Variants in ERC1 observed in about 807,000 individuals in gnomAD.
ERC1 encodes the protein ELKS/RAB6-interacting/CAST family member 1.
A neutral mutation model predicts 132.0 loss-of-function variants in ERC1; 56 were observed. The ratio of observed to expected loss-of-function variants is 0.42; its 90% CI spans 0.34 to 0.53. The LOEUF is 0.53. Ranked by LOEUF, ERC1 falls within the 20% of genes least tolerant of loss-of-function variation. The pLI, the probability that ERC1 is intolerant of heterozygous loss-of-function variation, is 0.03. For synonymous variants in ERC1, 478 were observed against 476.1 expected (o/e 1.00, Z -0.05); for missense variants, 1,202 against 1,349.9 (o/e 0.89, Z 1.72).
rs187172895 is a variant in ERC1, at chr12:1,440,415, C to T, written c.3025-4147C>T. On this transcript the variant is annotated intron_variant, in intron 17 of 18. Coordinates refer to ENST00000360905, the MANE Select transcript of ERC1 (RefSeq NM_178040.4). ...TAGAGACGGGGTTTCACCGTGTTAG[C>T]CAGGATGGTCTCGATCTCCTGACCT... Among the ~76,000 whole-genome samples, 691 of 150,674 alleles carry T rather than the reference C, an allele frequency of 4.6e-3. 7 individuals are homozygous for T. The highest frequency in any genetic ancestry group is 6.9e-3 in the Middle Eastern group (2 of 288).
chr12:1,287,999 A>C (rs1298920244), intron 14 of ERC1, among the ~76,000 whole-genome samples: 1 of 152,240 alleles, frequency 6.6e-6, no homozygotes, highest in East Asian at 1.9e-4. Flanking sequence ...ATGGAAATAA[A>C]AAGGAGCCAG....
chr12:1,094,724 T>A (rs1943786979), intron 3 of ERC1, among the ~76,000 whole-genome samples: 1 of 152,186 alleles, frequency 6.6e-6, no homozygotes, highest in Non-Finnish European at 1.5e-5. Context: ...CTCTCCTTTT[T>A]AAATTACATC....
At chr12:1,233,470 CAAAAAAAAAA>C (rs60542316) in intron 12 of ERC1, among the ~76,000 whole-genome samples, 1 of 71,502 alleles carries the variant, frequency 1.4e-5, no homozygotes, top group African/African-American at 5.2e-5. Flanking sequence ...GACCCTGTCT[CAAAAAAAAAA>C]AAAAAAAAAA....
chr12:1,420,619 CTGA>C (rs1210292009), intron 17 of ERC1, among the ~76,000 whole-genome samples: 1 of 152,052 alleles, frequency 6.6e-6, no homozygotes, highest in Non-Finnish European at 1.5e-5. Flanking sequence ...CCACGCCTGG[CTGA>C]TGTTTTGTAT....
At chr12:1,061,707 C>G (rs1398398867) in intron 2 of ERC1, among the ~76,000 whole-genome samples, 1 of 128,788 alleles carries the variant, frequency 7.8e-6, no homozygotes, top group East Asian at 2.0e-4. Context: ...TTGAATCTCT[C>G]TCTCCCCCCC....
chr12:1,424,498 G>A lies in ERC1; in HGVS notation c.3024+16251G>A, dbSNP rs145048719. On this transcript the variant is annotated intron_variant, in intron 17 of 18. Coordinates refer to ENST00000360905, the MANE Select transcript of ERC1 (RefSeq NM_178040.4). ...GTTTCTTCATATCACGATTTAAAAAGAGTAGTCTCTTATGTCTCTAAAAGA... is the reference window on the plus strand; with the variant it reads ...GTTTCTTCATATCACGATTTAAAAAAAGTAGTCTCTTATGTCTCTAAAAGA... 9.2e-3 allele frequency among the ~76,000 whole-genome samples: 1,395 copies of A among 152,164 alleles called. 20 individuals are homozygous for A. The highest frequency in any genetic ancestry group is 0.033 in the African/African-American group (1,350 of 41,514).
intron 15 of ERC1, among the ~76,000 whole-genome samples, chr12:1,361,597 T>G (rs1419246309): frequency 6.6e-6 from 1 of 152,124 alleles, no homozygotes; most frequent in Non-Finnish European, 1.5e-5. Flanking sequence ...AACTAAGACC[T>G]ATATCTAAAA....
intron 14 of ERC1, among the ~76,000 whole-genome samples, chr12:1,267,736 T>A (rs972772589): frequency 2.0e-5 from 3 of 152,198 alleles, no homozygotes; most frequent in Admixed American, 6.5e-5. Flanking sequence ...CATCCCAGTC[T>A]GGGCAACAGA....
intron 8 of ERC1, among the ~76,000 whole-genome samples, chr12:1,165,308 ATT>A (rs751438062): frequency 4.9e-5 from 7 of 143,886 alleles, no homozygotes; most frequent in African/African-American, 5.1e-5. Flanking sequence ...ATGCAGGAGA[ATT>A]TTTTTTTTTT....
At chr12:1,400,888 C>A (rs114912760) in intron 16 of ERC1, among the ~76,000 whole-genome samples, 3,518 of 117,268 alleles carry the variant, frequency 0.03, 219 homozygotes, top group African/African-American at 0.1. Context: ...TTATTCTTCT[C>A]ATTCAATATT....
intron 16 of ERC1, among the ~76,000 whole-genome samples, chr12:1,379,803 T>G (rs1170387478): frequency 2.0e-5 from 3 of 152,008 alleles, no homozygotes; most frequent in Admixed American, 6.5e-5. Flanking sequence ...ATCTCAGAAG[T>G]GACATACCAT....
chr12:1,311,964 A>C (rs1399003287), intron 15 of ERC1, among the ~76,000 whole-genome samples: 1 of 152,222 alleles, frequency 6.6e-6, no homozygotes. Context: ...TTCTTATGCT[A>C]CCCAATATAT....
chr12:1,440,446 T>TAC (rs1555095453), intron 17 of ERC1, among the ~76,000 whole-genome samples: 1 of 151,104 alleles, frequency 6.6e-6, no homozygotes, highest in Non-Finnish European at 1.5e-5. Flanking sequence ...GACCTCGTGA[T>TAC]CTGCCCTCCT....
rs142985134 is a variant in ERC1 at position 1,080,316 on chromosome 12, C to G, written c.670-2848C>G. Among the ~76,000 whole-genome samples the G allele has an allele frequency of 5.8e-3, 881 of 152,286 alleles. 2 individuals carry two copies. The highest frequency in any genetic ancestry group is 0.019 in the African/African-American group (786 of 41,552). On this transcript the variant is annotated intron_variant, in intron 2 of 18. Coordinates refer to ENST00000360905, the MANE Select transcript of ERC1 (RefSeq NM_178040.4). Reference sequence around the variant, plus strand: ...CTCCTATGTCCTGGCAACCACTGTTCTAGTTCCTTCTTTATCAATTCGACT... The same window carrying G: ...CTCCTATGTCCTGGCAACCACTGTTGTAGTTCCTTCTTTATCAATTCGACT...
chr12:1,300,850 G>A (rs539805573), intron 15 of ERC1, among the ~76,000 whole-genome samples: 2 of 152,178 alleles, frequency 1.3e-5, no homozygotes, highest in African/African-American at 4.8e-5. Context: ...CACTGTCGGT[G>A]GGAGTATAAA....
chr12:1,238,390 AGTTGTTCTGT>A (rs1274850396), intron 13 of ERC1, among the ~76,000 whole-genome samples: 1 of 152,100 alleles, frequency 6.6e-6, no homozygotes, highest in Non-Finnish European at 1.5e-5. Context: ...AATACTTTTA[AGTTGTTCTGT>A]GCTTTCATAT....
chr12:1,388,568 T>C (rs1425376791), intron 16 of ERC1, among the ~76,000 whole-genome samples: 1 of 152,066 alleles, frequency 6.6e-6, no homozygotes, highest in African/African-American at 2.4e-5. Flanking sequence ...TTGACAATGC[T>C]GAGAGTAGCT....
chr12:1,214,829 C>T (rs1410924314), intron 12 of ERC1, among the ~76,000 whole-genome samples: 2 of 151,982 alleles, frequency 1.3e-5, no homozygotes, highest in South Asian at 4.2e-4. Context: ...GGGCATTATT[C>T]CCATGTCATA....
At chr12:1,450,531 A>G (rs12319342) in intron 18 of ERC1, among the ~76,000 whole-genome samples, 7,053 of 152,286 alleles carry the variant, frequency 0.046, 190 homozygotes, top group Non-Finnish European at 0.051. Flanking sequence ...CATTTTCCTT[A>G]TTCATTCCTC....
Sources: gnomAD v4.1 joint callset for allele counts (sites outside exome capture counted in the v4.1 genomes callset) on GRCh38, gnomAD v4.1.1 for gene constraint, MANE v1.5 for transcripts, NCBI Gene and HGNC (gene_info 2026-07-23, HGNC 2026-07-21) for gene names.